Variants in THRAP3 observed in about 807,000 individuals in gnomAD.
THRAP3 encodes the protein thyroid hormone receptor-associated protein 3.
Under a neutral mutation model 101.0 loss-of-function variants are expected in THRAP3, and 16 were observed. The ratio of observed to expected loss-of-function variants is 0.16; its 90% CI spans 0.11 to 0.24. THRAP3 has a LOEUF of 0.24. Ranked by LOEUF, THRAP3 falls within the 10% of genes least tolerant of loss-of-function variation. THRAP3 has a pLI of 1.00. For synonymous variants in THRAP3, 407 were observed against 422.6 expected (o/e 0.96, Z 0.45); for missense variants, 989 against 1,202.7 (o/e 0.82, Z 2.63).
At chr1:36,289,037 C>T in intron 4 of THRAP3, 23 bp from the exon 5 acceptor site, 1 of 1,540,382 alleles carries the variant, frequency 6.5e-7, no homozygotes. Context: ...TCTTGTGTCT[C>T]TCTCTTGTGT....
chr1:36,244,840 C>T (rs1645211941), intron 1 of THRAP3, among the ~76,000 whole-genome samples: 1 of 152,004 alleles, frequency 6.6e-6, no homozygotes, highest in Non-Finnish European at 1.5e-5. Flanking sequence ...GCCTCAGCCT[C>T]CTGAGTAGCT....
At position 36,250,333 on chromosome 1, in the gene THRAP3, C is replaced by T. The variant is rs182807471; in HGVS notation, c.-134-9049C>T. ...GGTTCAAGCAATTCTTCTGCCTCAGCCTCCCAAGTAGCTGGTACTACAGGC... is the reference window on the plus strand; with the variant it reads ...GGTTCAAGCAATTCTTCTGCCTCAGTCTCCCAAGTAGCTGGTACTACAGGC... On this transcript the variant is annotated intron_variant, in intron 1 of 11. Coordinates refer to ENST00000354618, the MANE Select transcript of THRAP3 (RefSeq NM_005119.4). 9.9e-4 allele frequency among the ~76,000 whole-genome samples: 151 copies of T among 151,924 alleles called. 2 individuals carry two copies. Among genetic ancestry groups the T allele is most frequent in the African/African-American group, 3.5e-3 (146 of 41,438 alleles).
chr1:36,213,962 G>A, the THRAP3 span, among the ~76,000 whole-genome samples: 1,009 of 69,192 alleles, frequency 0.015, 18 homozygotes, highest in African/African-American at 0.02. Context: ...AAAGAAAGAA[G>A]GAAAGAGAAA....
chr1:36,274,625 C>CTTTTTTT (rs573419051), intron 2 of THRAP3, among the ~76,000 whole-genome samples: 58 of 59,304 alleles, frequency 9.8e-4, no homozygotes, highest in African/African-American at 2.8e-3. Flanking sequence ...ATTAATTGGG[C>CTTTTTTT]TTTTTTTTTT....
At chr1:36,259,763 CA>C (rs11399884) in intron 2 of THRAP3, among the ~76,000 whole-genome samples, 80 of 134,032 alleles carry the variant, frequency 6.0e-4, no homozygotes, top group Admixed American at 9.1e-4. Context: ...GACCCTGTCT[CA>C]AAAAAAAAAA....
chr1:36,208,203 C>T, the THRAP3 span, among the ~76,000 whole-genome samples: 1 of 152,210 alleles, frequency 6.6e-6, no homozygotes, highest in Non-Finnish European at 1.5e-5. Flanking sequence ...CAGCCTCCCC[C>T]ACGCTCTCTG....
Position 36,289,562 on chromosome 1 carries a change from T to G in THRAP3, c.1543T>G (p.Phe515Val), listed in dbSNP as rs1286083446. The G allele has an allele frequency of 6.2e-7, 1 of 1,614,014 alleles. No homozygotes were observed. Among genetic ancestry groups the G allele is most frequent in the Non-Finnish European group, 8.5e-7 (1 of 1,179,980 alleles). ...GKRSEGGHRGFVPEKNFRVTA... is the reference protein window; with the variant it reads ...GKRSEGGHRGVVPEKNFRVTA... ...GAGAAGCGAAGGTGGGCACAGGGGC[T>G]TTGTGCCTGAGAAGAATTTCCGAGT... Residue 515 changes from phenylalanine (F) to valine (V), a missense_variant, in exon 5 of 12, where the codon TTT (phenylalanine) becomes GTT (valine). Phe to Val is a conservative substitution (Grantham distance 50). Coordinates refer to ENST00000354618, the MANE Select transcript of THRAP3 (RefSeq NM_005119.4).
chr1:36,303,325 TG>T (rs1646053969), intron 11 of THRAP3, among the ~76,000 whole-genome samples: 1 of 152,000 alleles, frequency 6.6e-6, no homozygotes, highest in Admixed American at 6.6e-5. Flanking sequence ...CGTTTTGGTG[TG>T]ATTGGCTTTC....
chr1:36,275,676 T>C (rs1435237551), intron 2 of THRAP3, among the ~76,000 whole-genome samples: 1 of 150,272 alleles, frequency 6.7e-6, no homozygotes, highest in Non-Finnish European at 1.5e-5. Flanking sequence ...AACAGCATGA[T>C]AAGAATAGTC....
upstream of THRAP3, among the ~76,000 whole-genome samples, chr1:36,220,885 C>A (rs1376823080): frequency 7.0e-6 from 1 of 143,458 alleles, no homozygotes; most frequent in Admixed American, 7.3e-5. Flanking sequence ...AACCCGGGGG[C>A]GCAGAGACTG....
At position 36,274,088 on chromosome 1, in the gene THRAP3, A is replaced by AGT. The variant is rs1557437749; in HGVS notation, c.-31-8445_-31-8444insGT. Among the ~76,000 whole-genome samples the AGT allele has an allele frequency of 5.8e-3, 826 of 141,712 alleles. 6 individuals carry two copies. Among genetic ancestry groups the AGT allele is most frequent in the African/African-American group, 0.021 (727 of 34,168 alleles). 93.0% of individuals were successfully genotyped at this position (141,712 alleles called of 152,430 possible). ...GTGTGTGTGTGTGTCACACACACAC[A>AGT]CACACACACACACACACACAGACAA... On this transcript the variant is annotated intron_variant, in intron 2 of 11. Coordinates refer to ENST00000354618, the MANE Select transcript of THRAP3 (RefSeq NM_005119.4).
the THRAP3 span, among the ~76,000 whole-genome samples, chr1:36,210,670 A>G: frequency 2.3e-4 from 27 of 117,052 alleles, no homozygotes; most frequent in Non-Finnish European, 4.1e-4. Flanking sequence ...AGCCTGGATG[A>G]CAGAGCAAGA....
chr1:36,289,646 G>A lies in THRAP3; in HGVS notation c.1627G>A (p.Glu543Lys), dbSNP rs778663232. ...ATCACCTCCCCCAAGAAAGACCTCT[G>A]AGAGCCGAGACAAGCTGGGAGCGAA... ...SSSPPPRKTSESRDKLGAKGD... is the reference protein window; with the variant it reads ...SSSPPPRKTSKSRDKLGAKGD... The change falls in exon 5 of 12, where the codon GAG (glutamate) becomes AAG (lysine). Residue 543 changes from glutamate (E) to lysine (K), a missense_variant. By Grantham distance (56) the Glu-to-Lys change is moderately conservative (BLOSUM62 1). Coordinates refer to ENST00000354618, the MANE Select transcript of THRAP3 (RefSeq NM_005119.4). 1.2e-6 allele frequency: 2 copies of A among 1,614,214 alleles called. No individual in the cohort carries two copies. Among genetic ancestry groups the A allele is most frequent in the Non-Finnish European group, 1.7e-6 (2 of 1,180,036 alleles).
At chr1:36,210,991 T>A in the THRAP3 span, among the ~76,000 whole-genome samples, 477 of 150,376 alleles carry the variant, frequency 3.2e-3, 6 homozygotes, top group East Asian at 0.013. Context: ...GAGGGAGGAT[T>A]GCTTGAGCCC....
At chr1:36,293,430 C>A (rs547630165) in intron 7 of THRAP3, among the ~76,000 whole-genome samples, 1 of 152,084 alleles carries the variant, frequency 6.6e-6, no homozygotes, top group Non-Finnish European at 1.5e-5. Flanking sequence ...GGGCTAGAGG[C>A]GGGAGCTTGT....
At chr1:36,228,834 TATA>T (rs541910177) in intron 1 of THRAP3, among the ~76,000 whole-genome samples, 367 of 152,260 alleles carry the variant, frequency 2.4e-3, no homozygotes, top group African/African-American at 8.2e-3. Context: ...AATGCAGCTT[TATA>T]ATCCATAAAA....
chr1:36,265,119 G>A (rs1190464128), intron 2 of THRAP3, among the ~76,000 whole-genome samples: 2 of 152,176 alleles, frequency 1.3e-5, no homozygotes, highest in Non-Finnish European at 2.9e-5. Flanking sequence ...TGGATGGGTA[G>A]ATGGGTCACA....
chr1:36,299,628 G>GT (rs1391538769), intron 9 of THRAP3, among the ~76,000 whole-genome samples: 1 of 151,670 alleles, frequency 6.6e-6, no homozygotes, highest in African/African-American at 2.4e-5. Flanking sequence ...AGCCTCCTGA[G>GT]TAGCTGGGTA....
intron 2 of THRAP3, 133 bp from the exon 3 acceptor site, chr1:36,282,395 AATTTT>A: frequency 1.7e-6 from 1 of 598,422 alleles, no homozygotes; most frequent in Non-Finnish European, 2.8e-6. Flanking sequence ...ATTAAAAAAA[AATTTT>A]TTTTTTTTTT....
Sources: gnomAD v4.1 joint callset for allele counts (sites outside exome capture counted in the v4.1 genomes callset) on GRCh38, gnomAD v4.1.1 for gene constraint, MANE v1.5 for transcripts, NCBI Gene and HGNC (gene_info 2026-07-23, HGNC 2026-07-21) for gene names.